The following SCLT1 variants were observed in gnomAD, a reference collection of about 807,000 sequenced individuals.
SCLT1 encodes the protein sodium channel-associated protein 1.
Under a neutral mutation model 112.8 loss-of-function variants are expected in SCLT1, and 78 were observed. The ratio of observed to expected loss-of-function variants is 0.69; its 90% CI spans 0.58 to 0.83. SCLT1 has a LOEUF of 0.83. Among genes scored for constraint, SCLT1 ranks in the 40% least tolerant of loss-of-function variants. The probability of loss-of-function intolerance (pLI) is 0.00; values close to 1 mark genes in which losing one functional copy is unlikely to be tolerated. For synonymous variants in SCLT1, 257 were observed against 254.7 expected, an observed-to-expected ratio of 1.01 and a Z score of -0.09; for missense variants, 747 against 770.4, an observed-to-expected ratio of 0.97 and a Z score of 0.36.
chr4:128,943,215 T>C, intron 16 of SCLT1, 27 bp from the exon 17 acceptor site: 1 of 1,486,646 alleles, frequency 6.7e-7, no homozygotes, highest in Non-Finnish European at 9.2e-7. Flanking sequence ...ATGAAAAGAA[T>C]CCTTAAACTT....
intron 18 of SCLT1, among the ~76,000 whole-genome samples, chr4:128,916,306 T>G (rs909067802): frequency 6.6e-6 from 1 of 152,234 alleles, no homozygotes; most frequent in African/African-American, 2.4e-5. Flanking sequence ...TTGCAGTTAA[T>G]ATATATCATT....
At chr4:128,909,620 T>A (rs1287545034) in intron 18 of SCLT1, among the ~76,000 whole-genome samples, 1 of 152,246 alleles carries the variant, frequency 6.6e-6, no homozygotes, top group Non-Finnish European at 1.5e-5. Context: ...TAATTTCTAC[T>A]TCACTGTCAA....
intron 4 of SCLT1, 75 bp downstream of exon 4, chr4:129,043,320 A>C (rs1747875690): frequency 1.3e-6 from 1 of 779,048 alleles, no homozygotes; most frequent in Middle Eastern, 3.4e-4. Flanking sequence ...ATGTCTTTTT[A>C]AAAAGAGGGA....
chr4:128,988,475 T>C (rs1742286027), intron 9 of SCLT1, among the ~76,000 whole-genome samples: 1 of 151,652 alleles, frequency 6.6e-6, no homozygotes, highest in African/African-American at 2.4e-5. Flanking sequence ...AACAAAAACC[T>C]ATAATAGATA....
Position 128,959,888 on chromosome 4 carries a change from T to C in SCLT1, c.870-111A>G, listed in dbSNP as rs983600453. The C allele has an allele frequency of 1.4e-5, 11 of 791,144 alleles. No individual in the cohort carries two copies. In the African/African-American group the frequency reaches 1.7e-4, roughly 12 times the overall value. The allele number at this position is 791,144 out of a possible 1,614,324, so 49.0% of individuals were successfully genotyped here. A position where few individuals can be genotyped will look rare whatever the true frequency, so the allele number is the denominator to read the frequency against. ...ATTATGCCAGTAACTTTCACATGTA[T>C]TAATATTTTCTCATTTGATACTCAT... On this transcript the variant is annotated intron_variant, in intron 11 of 20. Transcript: ENST00000281142.
chr4:128,987,288 C>T (rs549361839), intron 9 of SCLT1, among the ~76,000 whole-genome samples: 36 of 152,188 alleles, frequency 2.4e-4, no homozygotes, highest in African/African-American at 7.5e-4. Context: ...GCTCAGATAC[C>T]GATGAGCATC....
At chr4:128,908,741 A>G (rs779243050) in intron 18 of SCLT1, among the ~76,000 whole-genome samples, 5 of 152,182 alleles carry the variant, frequency 3.3e-5, no homozygotes, top group Admixed American at 2.0e-4. Flanking sequence ...GTTCTCACCA[A>G]TGGAGGTAAA....
chr4:128,975,056 T>TTTTTTTTTTTTTTA (rs1741036392), intron 9 of SCLT1, among the ~76,000 whole-genome samples: 1 of 140,522 alleles, frequency 7.1e-6, no homozygotes, highest in African/African-American at 2.7e-5. Context: ...TTTTTTTTTT[T>TTTTTTTTTTTTTTA]GAGATGGAGT....
At chr4:128,882,021 G>A (rs1560796169), downstream of SCLT1, among the ~76,000 whole-genome samples, 1 of 152,098 alleles carries the variant, frequency 6.6e-6, no homozygotes, top group Non-Finnish European at 1.5e-5. Context: ...TTTGGAGAAA[G>A]TATCTATGTT....
At chr4:129,067,129 AAATAAAG>A (rs1407929181) in intron 2 of SCLT1, among the ~76,000 whole-genome samples, 2 of 152,164 alleles carry the variant, frequency 1.3e-5, no homozygotes, top group Non-Finnish European at 2.9e-5. Flanking sequence ...AAATTTTTCA[AAATAAAG>A]AATAAGATAT....
rs1376202 is a variant in SCLT1, at chr4:128,986,762, T to A, written c.686+5405A>T. Among the ~76,000 whole-genome samples the A allele has an allele frequency of 3.7e-3, 568 of 152,084 alleles. 1 individual carries two copies. The highest frequency in any genetic ancestry group is 0.011 in the African/African-American group (471 of 41,496). ...ATGGACCCCATCCTAGCAGAATTCA[T>A]GCCCTGCTAACTGAAGTGGTCCTGG... On this transcript the variant is annotated intron_variant, in intron 9 of 20. Transcript: ENST00000281142.
chr4:129,067,260 G>A (rs1750575929), intron 2 of SCLT1, among the ~76,000 whole-genome samples: 1 of 150,660 alleles, frequency 6.6e-6, no homozygotes. Flanking sequence ...ACAAATCATT[G>A]GCTAACCCAA....
At chr4:128,970,331 A>G in intron 10 of SCLT1, 47 bp downstream of exon 10, 1 of 1,033,464 alleles carries the variant, frequency 9.7e-7, no homozygotes, top group Non-Finnish European at 1.5e-6. Flanking sequence ...CAAAATAGAA[A>G]GAAAACTAAG....
chr4:129,010,628 A>G (rs1744436655), intron 5 of SCLT1, among the ~76,000 whole-genome samples: 1 of 152,030 alleles, frequency 6.6e-6, no homozygotes, highest in Admixed American at 6.6e-5. Flanking sequence ...GAGATCTTTC[A>G]CCTTCCTAGT....
intron 2 of SCLT1, among the ~76,000 whole-genome samples, chr4:129,062,871 T>A (rs887663222): frequency 2.0e-5 from 3 of 152,220 alleles, no homozygotes; most frequent in Non-Finnish European, 2.9e-5. Context: ...TAAAGTCATC[T>A]TTGGGTGAAT....
chr4:128,937,923 A>G (rs1041704739), intron 17 of SCLT1, among the ~76,000 whole-genome samples: 1 of 152,196 alleles, frequency 6.6e-6, no homozygotes, highest in Non-Finnish European at 1.5e-5. Context: ...TGTGTCTACA[A>G]TGTAACTACC....
chr4:129,040,012 T>C, intron 4 of SCLT1: 1 of 578,546 alleles, frequency 1.7e-6, no homozygotes, highest in South Asian at 2.1e-5. Context: ...TTAGTCTTGA[T>C]TGTGCTTCCT....
At chr4:128,950,726 C>A (rs1738654515) in intron 14 of SCLT1, among the ~76,000 whole-genome samples, 1 of 151,610 alleles carries the variant, frequency 6.6e-6, no homozygotes, top group Non-Finnish European at 1.5e-5. Flanking sequence ...TATTTAGAAA[C>A]TAAAAAAAAG....
intron 10 of SCLT1, among the ~76,000 whole-genome samples, chr4:128,966,024 G>A (rs1306838477): frequency 6.6e-6 from 1 of 151,290 alleles, no homozygotes; most frequent in East Asian, 1.9e-4. Context: ...TAGAGACAGG[G>A]TTTCACCACA....
Sources: allele counts gnomAD v4.1 joint callset (sites outside exome capture counted in the v4.1 genomes callset), GRCh38; gene constraint gnomAD v4.1.1; transcripts MANE v1.5; gene names NCBI Gene and HGNC (gene_info 2026-07-23, HGNC 2026-07-21).